The following EYA4 variants were observed in gnomAD, a reference collection of about 807,000 sequenced individuals.
EYA4 encodes EYA transcriptional coactivator and phosphatase 4, also known as protein phosphatase EYA4.
A neutral mutation model predicts 87.9 loss-of-function variants in EYA4; 31 were observed. The ratio of observed to expected loss-of-function variants is 0.35; its 90% CI spans 0.27 to 0.48. The LOEUF (loss-of-function observed/expected upper bound fraction) is 0.48, where lower values mean the gene tolerates loss of function less well. Ranked by LOEUF, EYA4 falls within the 20% of genes least tolerant of loss-of-function variation. EYA4 has a pLI of 0.99. For missense variants in EYA4, 678 were observed against 761.4 expected (o/e 0.89, Z 1.29); for synonymous variants, 263 against 270.6 (o/e 0.97, Z 0.28).
intron 1 of EYA4, among the ~76,000 whole-genome samples, chr6:133,259,169 A>C (rs1775590181): frequency 6.6e-6 from 1 of 152,190 alleles, no homozygotes; most frequent in African/African-American, 2.4e-5. Flanking sequence ...GAATTCCCTT[A>C]TAATTCCCTG....
At chr6:133,335,846 T>C (rs1782327400) in intron 2 of EYA4, among the ~76,000 whole-genome samples, 1 of 152,112 alleles carries the variant, frequency 6.6e-6, no homozygotes, top group South Asian at 2.1e-4. Context: ...TTTGTCTTTG[T>C]CCCTAGAGCA....
intron 3 of EYA4, among the ~76,000 whole-genome samples, chr6:133,387,285 A>G (rs1320008789): frequency 6.6e-6 from 1 of 152,222 alleles, no homozygotes; most frequent in Non-Finnish European, 1.5e-5. Flanking sequence ...TCTGCATATA[A>G]TTGCCTGTCT....
chr6:133,417,754 G>T (rs990360913), intron 3 of EYA4, among the ~76,000 whole-genome samples: 1 of 152,150 alleles, frequency 6.6e-6, no homozygotes, highest in African/African-American at 2.4e-5. Context: ...AGATATTGTT[G>T]TTCCCTTTAC....
At chr6:133,524,800 C>T (rs1800484743) in intron 18 of EYA4, among the ~76,000 whole-genome samples, 1 of 152,160 alleles carries the variant, frequency 6.6e-6, no homozygotes, top group Non-Finnish European at 1.5e-5. Flanking sequence ...AGGTCAAATG[C>T]TTATCCCTAC....
At chr6:133,525,803 T>C (rs1278361389) in intron 19 of EYA4, 5 of 658,010 alleles carry the variant, frequency 7.6e-6, no homozygotes, top group Middle Eastern at 7.6e-4. Context: ...GAGGGCAGAT[T>C]TAATAGCTGA....
chr6:133,425,955 T>C (rs1790635590), intron 3 of EYA4, among the ~76,000 whole-genome samples: 1 of 150,944 alleles, frequency 6.6e-6, no homozygotes, highest in East Asian at 2.0e-4. Flanking sequence ...GCAGAAATAT[T>C]TAACTGCTTG....
chr6:133,457,363 A>C (rs189205967), intron 6 of EYA4, among the ~76,000 whole-genome samples: 1 of 152,130 alleles, frequency 6.6e-6, no homozygotes, highest in African/African-American at 2.4e-5. Context: ...TTCTAACCTG[A>C]GGAGGATCGG....
chr6:133,449,505 C>T lies in EYA4; in HGVS notation c.277+1326C>T, dbSNP rs542269006. On this transcript the variant is annotated intron_variant, in intron 5 of 19. Coordinates refer to ENST00000355286, the MANE Select transcript of EYA4 (RefSeq NM_004100.5). ...CAGAAACATTTTTCTAAGTGGTAAG[C>T]ATCAGGCTTTCCTGGTTCTTAATGT... Among the ~76,000 whole-genome samples, 6 of 152,242 alleles carry T rather than the reference C, an allele frequency of 3.9e-5. No individual in the cohort carries two copies. In the South Asian group the frequency reaches 1.2e-3, roughly 32 times the overall value.
At chr6:133,343,386 A>G (rs1021941159) in intron 2 of EYA4, among the ~76,000 whole-genome samples, 13 of 152,124 alleles carry the variant, frequency 8.5e-5, no homozygotes, top group African/African-American at 2.4e-4. Flanking sequence ...CTTGAGCTCA[A>G]TGCTTTCTCT....
intron 6 of EYA4, among the ~76,000 whole-genome samples, chr6:133,458,473 C>A (rs1263947921): frequency 6.6e-6 from 1 of 152,116 alleles, no homozygotes; most frequent in Non-Finnish European, 1.5e-5. Context: ...ATTTCCAACA[C>A]TGTGGAAAGT....
chr6:133,359,215 G>A (rs1346551886), intron 2 of EYA4, among the ~76,000 whole-genome samples: 1 of 152,176 alleles, frequency 6.6e-6, no homozygotes, highest in Admixed American at 6.5e-5. Context: ...TGAGGGTTAA[G>A]GGGGCTGACT....
intron 3 of EYA4, among the ~76,000 whole-genome samples, chr6:133,407,759 A>G (rs544891386): frequency 3.0e-4 from 45 of 152,278 alleles, no homozygotes; most frequent in Non-Finnish European, 1.3e-4. Context: ...AAAGAAAAAT[A>G]CTGCTGCTAT....
chr6:133,298,866 T>G (rs1779145749), intron 2 of EYA4, among the ~76,000 whole-genome samples: 1 of 152,234 alleles, frequency 6.6e-6, no homozygotes, highest in Non-Finnish European at 1.5e-5. Context: ...ACACCTTCAT[T>G]GACCGAATGC....
chr6:133,292,412 A>G (rs990929016), intron 2 of EYA4, among the ~76,000 whole-genome samples: 2 of 152,230 alleles, frequency 1.3e-5, no homozygotes, highest in African/African-American at 2.4e-5. Flanking sequence ...TTGGAATTAT[A>G]TGTACATTGT....
rs898290498 is a variant in EYA4, at chr6:133,530,128, A to G, written c.*1323A>G. 7.1e-6 allele frequency: 7 copies of G among 985,118 alleles called. No individual in the cohort carries two copies. In the African/African-American group the frequency reaches 1.0e-4, roughly 15 times the overall value. 61.0% of individuals were successfully genotyped at this position (985,118 alleles called of 1,614,324 possible). On this transcript the variant is annotated 3_prime_UTR_variant, in exon 20 of 20. Coordinates refer to ENST00000355286, the MANE Select transcript of EYA4 (RefSeq NM_004100.5). ...CTATGAAAATTTTACCTAGAATATC[A>G]TCATAAATTAAATTAGCAAGTGCGC... is the stretch of plus-strand genomic sequence containing the variant.
intron 1 of EYA4, among the ~76,000 whole-genome samples, chr6:133,245,614 G>A (rs912543974): frequency 1.3e-5 from 2 of 152,214 alleles, no homozygotes; most frequent in Non-Finnish European, 2.9e-5. Context: ...GAAATGACAT[G>A]CTGTTTCAGG....
chr6:133,413,714 A>G (rs899414316), intron 3 of EYA4, among the ~76,000 whole-genome samples: 1 of 152,112 alleles, frequency 6.6e-6, no homozygotes, highest in African/African-American at 2.4e-5. Context: ...AATACCCAGT[A>G]TATGCTGGTG....
intron 2 of EYA4, among the ~76,000 whole-genome samples, chr6:133,378,525 G>T (rs576037987): frequency 6.6e-6 from 1 of 151,910 alleles, no homozygotes; most frequent in Non-Finnish European, 1.5e-5. Context: ...TGAATTTTAG[G>T]TTCTTCATAG....
rs550124639 is a variant in EYA4, at chr6:133,397,805, C to G, written c.83+15364C>G. Among the ~76,000 whole-genome samples, 20 of 152,258 alleles carry G rather than the reference C, an allele frequency of 1.3e-4. No homozygotes were observed. The East Asian group carries it at 3.7e-3, about 28-fold the overall frequency. ...AAGGCATGTGTCACATGGGGGCCGA[C>G]AAGAGAAGAGGGCTTGTGCTTTTTA... On this transcript the variant is annotated intron_variant, in intron 3 of 19. Coordinates refer to ENST00000355286, the MANE Select transcript of EYA4 (RefSeq NM_004100.5).
Sources: gnomAD v4.1 joint callset for allele counts (sites outside exome capture counted in the v4.1 genomes callset) on GRCh38, gnomAD v4.1.1 for gene constraint, MANE v1.5 for transcripts, NCBI Gene and HGNC (gene_info 2026-07-23, HGNC 2026-07-21) for gene names.